The following BANK1 variants were observed in gnomAD, a reference collection of about 807,000 sequenced individuals.
BANK1 encodes the protein B cell scaffold protein with ankyrin repeats 1.
BANK1 carries 95 observed loss-of-function variants against 94.5 expected under a neutral mutation model. The observed-to-expected ratio is 1.00, with a 90% CI of 0.85 to 1.19. The LOEUF (loss-of-function observed/expected upper bound fraction) is 1.19, where lower values mean the gene tolerates loss of function less well. BANK1 is among the 50% of genes most tolerant of loss of function. The pLI is 0.00. For missense variants in BANK1, 987 were observed against 932.2 expected (o/e 1.06, Z -0.77); for synonymous variants, 334 against 308.4 (o/e 1.08, Z -0.87).
At chr4:102,011,928 A>C (rs1339232706) in intron 7 of BANK1, among the ~76,000 whole-genome samples, 1 of 152,178 alleles carries the variant, frequency 6.6e-6, no homozygotes, top group African/African-American at 2.4e-5. Flanking sequence ...GTTCAGTGAA[A>C]CATAAAGGCC....
Position 101,995,182 on chromosome 4 carries a change from G to T in BANK1, c.1207-26332G>T, listed in dbSNP as rs527842369. Among the ~76,000 whole-genome samples, 236 of 152,152 alleles carry T rather than the reference G, an allele frequency of 1.6e-3. 1 individual carries two copies. The highest frequency in any genetic ancestry group is 5.3e-3 in the African/African-American group (219 of 41,518). On this transcript the variant is annotated intron_variant, in intron 7 of 16. Transcript: ENST00000322953. ...TCTGATTCAGCTCCCTCTTATGAGTGAGAACATGTGGTATTTGGTTTTCTG... is the reference window on the plus strand; with the variant it reads ...TCTGATTCAGCTCCCTCTTATGAGTTAGAACATGTGGTATTTGGTTTTCTG...
chr4:102,065,533 G>T (rs996501193), intron 13 of BANK1, among the ~76,000 whole-genome samples: 1 of 151,972 alleles, frequency 6.6e-6, no homozygotes, highest in African/African-American at 2.4e-5. Context: ...ATTAAAAAAA[G>T]AAGACATACA....
At chr4:101,863,799 T>C (rs1727970552) in intron 4 of BANK1, among the ~76,000 whole-genome samples, 1 of 152,164 alleles carries the variant, frequency 6.6e-6, no homozygotes, top group Admixed American at 6.6e-5. Context: ...TTAAGTGGTT[T>C]AATGAATAAA....
intron 11 of BANK1, among the ~76,000 whole-genome samples, chr4:102,059,643 C>T (rs1472993790): frequency 6.6e-6 from 1 of 152,172 alleles, no homozygotes; most frequent in Non-Finnish European, 1.5e-5. Context: ...TAATACATAG[C>T]ATGCTCCAAA....
At chr4:101,904,662 T>C (rs1722388404) in intron 6 of BANK1, among the ~76,000 whole-genome samples, 1 of 152,218 alleles carries the variant, frequency 6.6e-6, no homozygotes, top group Admixed American at 6.5e-5. Context: ...GGCTATGTAA[T>C]TGTTCTGGAA....
chr4:102,030,244 A>T lies in BANK1; in HGVS notation c.1879A>T (p.Thr627Ser), dbSNP rs1430322830. ...CACAAGTATACCTCCAAAAGAGGAA[A>T]CTACACCTTACATAGCTCAAGGTAA... The part of the protein sequence containing the change: ...RPTSIPPKEE[T>S]TPYIAQVFQQ... Residue 627 changes from threonine to serine, a missense_variant, in exon 10 of 17, where the codon ACT becomes TCT. Coordinates refer to ENST00000322953, the MANE Select transcript of BANK1 (RefSeq NM_017935.5). 6.3e-7 allele frequency: 1 copy of T among 1,590,046 alleles called. No homozygotes were observed. The highest frequency in any genetic ancestry group is 1.9e-5 in the Admixed American group (1 of 52,956).
intron 4 of BANK1, among the ~76,000 whole-genome samples, chr4:101,869,123 A>T (rs1194611947): frequency 6.6e-6 from 1 of 151,826 alleles, no homozygotes; most frequent in Non-Finnish European, 1.5e-5. Flanking sequence ...ACCTCTCCTG[A>T]TTCATTACCG....
chr4:101,848,083 T>G (rs571740509), intron 2 of BANK1, among the ~76,000 whole-genome samples: 6 of 152,242 alleles, frequency 3.9e-5, no homozygotes, highest in African/African-American at 1.4e-4. Flanking sequence ...CCAAATTGAC[T>G]CAGTCAGGGA....
At chr4:101,877,349 C>T (rs1288530744) in intron 5 of BANK1, among the ~76,000 whole-genome samples, 1 of 152,082 alleles carries the variant, frequency 6.6e-6, no homozygotes, top group Non-Finnish European at 1.5e-5. Context: ...ACAAAACTTA[C>T]TAGTAATAGT....
At chr4:102,040,100 T>G (rs1727655250) in intron 10 of BANK1, among the ~76,000 whole-genome samples, 3 of 152,094 alleles carry the variant, frequency 2.0e-5, no homozygotes. Flanking sequence ...TCCCTTTGCT[T>G]GAAATAGACC....
At chr4:102,010,238 C>T (rs1726455896) in intron 7 of BANK1, among the ~76,000 whole-genome samples, 1 of 152,036 alleles carries the variant, frequency 6.6e-6, no homozygotes, top group Admixed American at 6.6e-5. Context: ...GCACTCCAGC[C>T]TGGGCGACAG....
rs531277645 is a variant in BANK1, at chr4:101,881,985, A to G, written c.903+11341A>G. Among the ~76,000 whole-genome samples the G allele has an allele frequency of 6.6e-5, 10 of 152,208 alleles. No homozygotes were observed. In the South Asian group the frequency reaches 2.1e-3, roughly 32 times the overall value. On this transcript the variant is annotated intron_variant, in intron 5 of 16. Transcript: ENST00000322953. ...TTAATGGGTCCAAAAAAAAAGAAGA[A>G]TGAATAAGACCTAATATTTGATAAC...
chr4:101,867,597 A>G (rs1578367061), intron 4 of BANK1, among the ~76,000 whole-genome samples: 1 of 152,044 alleles, frequency 6.6e-6, no homozygotes, highest in African/African-American at 2.4e-5. Context: ...ATTACAGCAT[A>G]TGGATAAGTG....
intron 7 of BANK1, among the ~76,000 whole-genome samples, chr4:101,994,091 C>A (rs1396960925): frequency 6.6e-6 from 1 of 152,204 alleles, no homozygotes; most frequent in Non-Finnish European, 1.5e-5. Flanking sequence ...AGCATTTGGA[C>A]TAAGGTCTCC....
intron 5 of BANK1, among the ~76,000 whole-genome samples, chr4:101,873,150 G>T (rs181868009): frequency 4.3e-4 from 65 of 152,130 alleles, no homozygotes; most frequent in Middle Eastern, 3.4e-3. Flanking sequence ...TTTGCCCGTG[G>T]TTCACTCTGA....
chr4:101,902,625 A>G (rs776413813), intron 6 of BANK1, among the ~76,000 whole-genome samples: 1 of 152,220 alleles, frequency 6.6e-6, no homozygotes, highest in African/African-American at 2.4e-5. Flanking sequence ...GGTATCTTTT[A>G]TAATTGTCCA....
chr4:101,817,587 T>C (rs1425287790), intron 1 of BANK1, among the ~76,000 whole-genome samples: 1 of 152,122 alleles, frequency 6.6e-6, no homozygotes, highest in Non-Finnish European at 1.5e-5. Flanking sequence ...TGCTGGGTGA[T>C]TAATGCCTGG....
At position 102,062,990 on chromosome 4, in the gene BANK1, G is replaced by C. The variant is rs1228199344; in HGVS notation, c.2149-85G>C. On this transcript the variant is annotated intron_variant, in intron 12 of 16. Coordinates refer to ENST00000322953, the MANE Select transcript of BANK1 (RefSeq NM_017935.5). Reference sequence around the variant, plus strand: ...AAATTAATATCAAGTAGCAGCATTGGTATTGCTAATAGTAGTTGATGTTTT... The same window carrying C: ...AAATTAATATCAAGTAGCAGCATTGCTATTGCTAATAGTAGTTGATGTTTT... 9.1e-6 allele frequency: 9 copies of C among 992,932 alleles called. No homozygotes were observed. The Admixed American group carries it at 9.8e-5, about 11-fold the overall frequency. 61.5% of individuals were successfully genotyped at this position (992,932 alleles called of 1,614,324 possible).
At chr4:101,960,518 G>C (rs1160307665) in intron 7 of BANK1, among the ~76,000 whole-genome samples, 1 of 151,954 alleles carries the variant, frequency 6.6e-6, no homozygotes, top group East Asian at 1.9e-4. Context: ...GGGTAGTGGG[G>C]AACTAGAAAG....
Sources: allele counts gnomAD v4.1 joint callset (sites outside exome capture counted in the v4.1 genomes callset), GRCh38; gene constraint gnomAD v4.1.1; transcripts MANE v1.5; gene names NCBI Gene and HGNC (gene_info 2026-07-23, HGNC 2026-07-21).